The following PLEKHH2 variants were observed in gnomAD, a reference collection of about 807,000 sequenced individuals.
The protein encoded by PLEKHH2 is pleckstrin homology, MyTH4 and FERM domain containing H2, also known as pleckstrin homology domain-containing family H member 2.
A neutral mutation model predicts 187.9 loss-of-function variants in PLEKHH2; 129 were observed. The ratio of observed to expected loss-of-function variants is 0.69; its 90% confidence interval spans 0.59 to 0.79. The LOEUF is 0.79. Among genes scored for constraint, PLEKHH2 ranks in the 30% least tolerant of loss-of-function variants. The pLI is 0.00. For synonymous variants in PLEKHH2, 686 were observed against 605.6 expected (o/e 1.13, Z -1.95); for missense variants, 2,076 against 1,751.2 (o/e 1.19, Z -3.31).
chr2:43,753,800 A>G (rs757774060), intron 25 of PLEKHH2, 40 bp downstream of exon 25: 5 of 1,394,968 alleles, frequency 3.6e-6, no homozygotes, highest in Non-Finnish European at 3.8e-6. Flanking sequence ...TTGAAATAAT[A>G]TGATACTAAT....
chr2:43,689,111 T>C (rs911047259), intron 3 of PLEKHH2, among the ~76,000 whole-genome samples: 1 of 152,240 alleles, frequency 6.6e-6, no homozygotes, highest in East Asian at 1.9e-4. Context: ...ACAGTCAAGA[T>C]ATTCCAGGGC....
intron 2 of PLEKHH2, among the ~76,000 whole-genome samples, chr2:43,666,739 T>C (rs11890418): frequency 0.05 from 7,590 of 152,324 alleles, 304 homozygotes; most frequent in African/African-American, 0.11. Context: ...TTTAACTTGC[T>C]ATCCATATTT....
In PLEKHH2 at chr2:43,765,394, T is replaced by G. The variant is rs766768515; in HGVS notation, c.4297-19T>G. 3 of 1,609,922 alleles carry G rather than the reference T, an allele frequency of 1.9e-6. No individual in the cohort carries two copies. The highest frequency in any genetic ancestry group is 2.5e-6 in the Non-Finnish European group (3 of 1,176,678). On this transcript the variant is annotated intron_variant, in intron 29 of 29. Coordinates refer to ENST00000282406, the MANE Select transcript of PLEKHH2 (RefSeq NM_172069.4). ...GAGAACTTCTAAGGAGCAAAACAAT[T>G]CTGTTTTCCTTGTTTTAGATTCTTG...
chr2:43,726,332 G>A lies in PLEKHH2; in HGVS notation c.2602G>A (p.Asp868Asn). Residue 868 changes from aspartate to asparagine, a missense_variant, in exon 17 of 30, where the codon GAT becomes AAT. Transcript: ENST00000282406. ...AKVEEVDRSCDSDEDYEASGR... is the reference protein window; with the variant it reads ...AKVEEVDRSCNSDEDYEASGR... ...AGTGGAAGAGGTTGACAGATCTTGTGATTCAGATGAAGATTATGAAGCCAG... is the reference window on the plus strand; with the variant it reads ...AGTGGAAGAGGTTGACAGATCTTGTAATTCAGATGAAGATTATGAAGCCAG... 1.2e-6 allele frequency: 2 copies of A among 1,612,090 alleles called. No homozygotes were observed. Among genetic ancestry groups the A allele is most frequent in the Non-Finnish European group, 1.7e-6 (2 of 1,178,210 alleles).
intron 2 of PLEKHH2, among the ~76,000 whole-genome samples, chr2:43,645,304 A>G (rs1666132092): frequency 6.6e-6 from 1 of 152,146 alleles, no homozygotes; most frequent in Non-Finnish European, 1.5e-5. Flanking sequence ...AATTTCATTT[A>G]TATTACAGGA....
intron 3 of PLEKHH2, among the ~76,000 whole-genome samples, chr2:43,691,588 T>C (rs529722674): frequency 2.0e-5 from 3 of 152,350 alleles, no homozygotes; most frequent in Admixed American, 6.5e-5. Flanking sequence ...AGCTTGAAGG[T>C]TGGGTTTCAC....
At chr2:43,734,266 A>G (rs1671185828) in intron 19 of PLEKHH2, among the ~76,000 whole-genome samples, 1 of 152,226 alleles carries the variant, frequency 6.6e-6, no homozygotes, top group Non-Finnish European at 1.5e-5. Context: ...ATCCTCAGTC[A>G]TTATATCACT....
At chr2:43,711,538 T>C in intron 14 of PLEKHH2, 2 of 957,204 alleles carry the variant, frequency 2.1e-6, no homozygotes, top group Non-Finnish European at 2.5e-6. Flanking sequence ...ACCTCTTCTT[T>C]AGTTGCTAAA....
intron 24 of PLEKHH2, among the ~76,000 whole-genome samples, chr2:43,752,135 A>T (rs764328151): frequency 2.0e-5 from 3 of 152,172 alleles, no homozygotes; most frequent in Non-Finnish European, 4.4e-5. Context: ...TATACTTCCT[A>T]ACTTCAAGTA....
intron 2 of PLEKHH2, among the ~76,000 whole-genome samples, chr2:43,646,265 T>C (rs1242550204): frequency 6.6e-6 from 1 of 152,198 alleles, no homozygotes; most frequent in Admixed American, 6.5e-5. Flanking sequence ...TTTTATCTTT[T>C]GCTCTTCTGT....
intron 25 of PLEKHH2, among the ~76,000 whole-genome samples, chr2:43,754,205 C>CAAA (rs148172112): frequency 7.0e-6 from 1 of 143,078 alleles, no homozygotes; most frequent in Non-Finnish European, 1.5e-5. Flanking sequence ...CACACACACA[C>CAAA]AAAATTAATA....
At chr2:43,638,531 T>G (rs949514817) in intron 1 of PLEKHH2, among the ~76,000 whole-genome samples, 8 of 152,190 alleles carry the variant, frequency 5.3e-5, no homozygotes, top group Non-Finnish European at 1.2e-4. Context: ...CAAAAATCAC[T>G]GGGGGTATTT....
At chr2:43,711,355 T>A (rs1266426693) in intron 14 of PLEKHH2, 1 of 985,318 alleles carries the variant, frequency 1.0e-6, no homozygotes. Context: ...GCATGGCAGT[T>A]AAGAATCATT....
chr2:43,678,386 C>T (rs61466844), intron 2 of PLEKHH2, among the ~76,000 whole-genome samples: 3 of 148,970 alleles, frequency 2.0e-5, no homozygotes, highest in African/African-American at 7.4e-5. Context: ...TGTAGCGAGC[C>T]GAGATCACGC....
At position 43,747,065 on chromosome 2, in the gene PLEKHH2, T is replaced by G. The variant is rs541942472; in HGVS notation, c.3653+1102T>G. On this transcript the variant is annotated intron_variant, in intron 24 of 29. Transcript: ENST00000282406. ...ACTCATATTTATTCCTTCTCAGTCT[T>G]TCATTCTCATTTTTCTCTTTCTTTC... Among the ~76,000 whole-genome samples the G allele has an allele frequency of 2.1e-4, 32 of 151,740 alleles. No homozygotes were observed. The South Asian group carries it at 6.7e-3, about 32-fold the overall frequency.
At chr2:43,668,431 C>T (rs1458684986) in intron 2 of PLEKHH2, among the ~76,000 whole-genome samples, 1 of 152,074 alleles carries the variant, frequency 6.6e-6, no homozygotes, top group Non-Finnish European at 1.5e-5. Flanking sequence ...TTATCATTAT[C>T]ATGTTCTGTG....
At chr2:43,761,478 T>G (rs1672427333) in intron 27 of PLEKHH2, among the ~76,000 whole-genome samples, 1 of 147,188 alleles carries the variant, frequency 6.8e-6, no homozygotes, top group South Asian at 2.3e-4. Flanking sequence ...TGGCACTATC[T>G]CAGCTCACTG....
chr2:43,760,359 C>CTTTTT (rs763777313), intron 27 of PLEKHH2, among the ~76,000 whole-genome samples: 11 of 119,058 alleles, frequency 9.2e-5, no homozygotes, highest in South Asian at 2.7e-4. Flanking sequence ...ACCCTTTAAC[C>CTTTTT]TTTTTTTTTT....
chr2:43,756,155 G>A (rs565992833), intron 25 of PLEKHH2, among the ~76,000 whole-genome samples: 7 of 152,248 alleles, frequency 4.6e-5, no homozygotes, highest in South Asian at 4.2e-4. Context: ...CTCTATTCCC[G>A]GGATTAATGC....
Sources: gnomAD v4.1 joint callset for allele counts (sites outside exome capture counted in the v4.1 genomes callset) on GRCh38, gnomAD v4.1.1 for gene constraint, MANE v1.5 for transcripts, NCBI Gene and HGNC (gene_info 2026-07-23, HGNC 2026-07-21) for gene names.